PAMR1: variants seen among roughly 807,000 people sequenced by gnomAD.
PAMR1 encodes the protein peptidase domain containing associated with muscle regeneration 1, also known as inactive serine protease PAMR1.
A neutral mutation model predicts 81.8 loss-of-function variants in PAMR1; 88 were observed. The observed-to-expected ratio is 1.08, with a 90% CI of 0.91 to 1.28. The LOEUF (loss-of-function observed/expected upper bound fraction) is 1.28. PAMR1 is among the 50% of genes most tolerant of loss of function. PAMR1 has a pLI of 0.00. For missense variants in PAMR1, 935 were observed against 919.7 expected (o/e 1.02, Z -0.21); for synonymous variants, 336 against 345.3 (o/e 0.97, Z 0.30).
intron 6 of PAMR1, among the ~76,000 whole-genome samples, chr11:35,445,692 G>A (rs984655254): frequency 1.3e-5 from 2 of 152,134 alleles, no homozygotes; most frequent in Non-Finnish European, 2.9e-5. Context: ...CAACTTGATC[G>A]TGGTGGATAA....
intron 1 of PAMR1, among the ~76,000 whole-genome samples, chr11:35,494,769 C>T (rs1041795712): frequency 1.3e-5 from 2 of 152,166 alleles, no homozygotes; most frequent in African/African-American, 4.8e-5. Context: ...GGGAGACCTA[C>T]CCCAAGGAAT....
intron 6 of PAMR1, among the ~76,000 whole-genome samples, chr11:35,463,671 G>A (rs1352046038): frequency 6.6e-6 from 1 of 152,190 alleles, no homozygotes; most frequent in Non-Finnish European, 1.5e-5. Flanking sequence ...CCTCAAGGCG[G>A]AGGAGGGGGC....
At chr11:35,506,461 C>A (rs1413924174) in intron 1 of PAMR1, among the ~76,000 whole-genome samples, 1 of 142,544 alleles carries the variant, frequency 7.0e-6, no homozygotes, top group African/African-American at 2.6e-5. Flanking sequence ...TAACTAACTT[C>A]TCTTAGCATT....
intron 1 of PAMR1, among the ~76,000 whole-genome samples, chr11:35,516,384 TG>T (rs1851163335): frequency 6.6e-6 from 1 of 152,218 alleles, no homozygotes; most frequent in Non-Finnish European, 1.5e-5. Flanking sequence ...CTAAGAAATC[TG>T]TATCAAAGAT....
rs372221224 is a variant in PAMR1, at chr11:35,489,134, A to G, written c.379+2911T>C. Among the ~76,000 whole-genome samples the G allele has an allele frequency of 1.3e-3, 203 of 152,100 alleles. 1 individual carries two copies. Among genetic ancestry groups the G allele is most frequent in the African/African-American group, 4.6e-3 (190 of 41,462 alleles). On this transcript the variant is annotated intron_variant, in intron 3 of 10. Transcript: ENST00000619888. ...CTCTGTTCACCTCATGCTTCCATCT[A>G]TAACAGCCATAGGCATATCTCAAGT...
At chr11:35,490,409 A>G (rs182626949) in intron 3 of PAMR1, among the ~76,000 whole-genome samples, 115 of 152,310 alleles carry the variant, frequency 7.6e-4, no homozygotes, top group African/African-American at 2.6e-3. Flanking sequence ...GAAAAACCCA[A>G]AGTGATCTTA....
chr11:35,492,605 C>T (rs570331285), intron 2 of PAMR1, among the ~76,000 whole-genome samples: 18 of 152,222 alleles, frequency 1.2e-4, no homozygotes, highest in Non-Finnish European at 1.9e-4. Context: ...TATACACATA[C>T]ATGTTTTAAA....
intron 3 of PAMR1, among the ~76,000 whole-genome samples, chr11:35,479,027 AG>A (rs1850334020): frequency 6.6e-6 from 1 of 152,160 alleles, no homozygotes; most frequent in Admixed American, 6.6e-5. Context: ...TTTCTAGACC[AG>A]TAAGACAGCT....
chr11:35,442,339 CTT>C (rs1856188167), intron 6 of PAMR1, among the ~76,000 whole-genome samples: 1 of 152,102 alleles, frequency 6.6e-6, no homozygotes, highest in South Asian at 2.1e-4. Context: ...TATTTCTATT[CTT>C]TGAGTCCTGT....
At chr11:35,516,968 G>T (rs181305663) in intron 1 of PAMR1, among the ~76,000 whole-genome samples, 472 of 152,216 alleles carry the variant, frequency 3.1e-3, no homozygotes, top group Admixed American at 4.8e-3. Flanking sequence ...AAAAGAGGTG[G>T]GAGAAGGGAG....
At chr11:35,527,339 G>T (rs1437983508), upstream of PAMR1, among the ~76,000 whole-genome samples, 1 of 152,080 alleles carries the variant, frequency 6.6e-6, no homozygotes, top group African/African-American at 2.4e-5. Context: ...ATAAGATTAC[G>T]CATGTAAGGC....
chr11:35,444,717 C>A (rs1856255108), intron 6 of PAMR1, among the ~76,000 whole-genome samples: 2 of 152,164 alleles, frequency 1.3e-5, no homozygotes, highest in Non-Finnish European at 1.5e-5. Context: ...TGTTTTTATA[C>A]CAGTACCATG....
At chr11:35,443,604 C>T (rs940464233) in intron 6 of PAMR1, among the ~76,000 whole-genome samples, 1 of 152,216 alleles carries the variant, frequency 6.6e-6, no homozygotes. Context: ...TTTATCCAGT[C>T]TATCATTGAT....
intron 7 of PAMR1, among the ~76,000 whole-genome samples, 165 bp downstream of exon 7, chr11:35,441,316 A>G (rs539863644): frequency 6.6e-6 from 1 of 152,292 alleles, no homozygotes; most frequent in East Asian, 1.9e-4. Context: ...AAAAAAAAGA[A>G]GCAAATATTT....
chr11:35,507,403 G>A (rs1311691624), intron 1 of PAMR1, among the ~76,000 whole-genome samples: 1 of 125,966 alleles, frequency 7.9e-6, no homozygotes, highest in Non-Finnish European at 1.7e-5. Flanking sequence ...CCATTCTGCT[G>A]TTGAAAGCCT....
chr11:35,434,481 C>A (rs1275924914), intron 10 of PAMR1, 31 bp downstream of exon 10: 1 of 1,593,462 alleles, frequency 6.3e-7, no homozygotes, highest in East Asian at 2.2e-5. Flanking sequence ...TGAGCCAGAG[C>A]CCCAGCTTCC....
chr11:35,467,412 T>C (rs928783280), intron 6 of PAMR1, among the ~76,000 whole-genome samples: 2 of 152,256 alleles, frequency 1.3e-5, no homozygotes, highest in African/African-American at 4.8e-5. Context: ...CATTCCATGC[T>C]GATGGCTTCC....
chr11:35,521,418 A>C (rs1590403678), intron 1 of PAMR1, among the ~76,000 whole-genome samples: 1 of 152,180 alleles, frequency 6.6e-6, no homozygotes, highest in African/African-American at 2.4e-5. Flanking sequence ...CAAAACTTCA[A>C]ATGCTAGTAA....
intron 4 of PAMR1, among the ~76,000 whole-genome samples, chr11:35,474,017 A>G (rs1456690517): frequency 1.3e-5 from 2 of 152,228 alleles, no homozygotes; most frequent in Admixed American, 6.5e-5. Flanking sequence ...CAGCACTATG[A>G]TGCAGTCATG....
Sources: allele counts gnomAD v4.1 joint callset (sites outside exome capture counted in the v4.1 genomes callset), GRCh38; gene constraint gnomAD v4.1.1; transcripts MANE v1.5; gene names NCBI Gene and HGNC (gene_info 2026-07-23, HGNC 2026-07-21).